Variants in NT5C2 observed in about 807,000 individuals in gnomAD.
NT5C2 encodes the protein 5'-nucleotidase, cytosolic II.
Under a neutral mutation model 76.1 loss-of-function variants are expected in NT5C2, and 58 were observed. The observed-to-expected ratio is 0.76, with a 90% CI of 0.62 to 0.95. The LOEUF (loss-of-function observed/expected upper bound fraction) is 0.95, where lower values mean the gene tolerates loss of function less well. NT5C2 is among the 40% of genes least tolerant of loss of function. The pLI is 0.00. For synonymous variants in NT5C2, 229 were observed against 237.4 expected (o/e 0.96, Z 0.32); for missense variants, 478 against 690.3 (o/e 0.69, Z 3.45).
intron 3 of NT5C2, among the ~76,000 whole-genome samples, chr10:103,170,374 T>C (rs1380262974): frequency 6.6e-6 from 1 of 152,108 alleles, no homozygotes; most frequent in African/African-American, 2.4e-5. Context: ...GAAAATGTTT[T>C]TTCTATTGTT....
At chr10:103,145,478 G>A (rs2081317775) in intron 3 of NT5C2, among the ~76,000 whole-genome samples, 1 of 152,160 alleles carries the variant, frequency 6.6e-6, no homozygotes, top group Non-Finnish European at 1.5e-5. Context: ...TTGGTCTCCG[G>A]ACCTTGACTG....
At chr10:103,142,592 TGA>T (rs1324614181) in intron 3 of NT5C2, among the ~76,000 whole-genome samples, 2 of 151,944 alleles carry the variant, frequency 1.3e-5, no homozygotes, top group Non-Finnish European at 2.9e-5. Context: ...CTCCTGAGCC[TGA>T]GAGGCAGAAG....
intron 12 of NT5C2, among the ~76,000 whole-genome samples, chr10:103,095,097 A>C (rs1346072082): frequency 3.3e-5 from 5 of 152,220 alleles, no homozygotes; most frequent in Non-Finnish European, 7.3e-5. Context: ...GATGCAAATC[A>C]ATACCCAAGG....
At chr10:103,124,591 C>T (rs1267213496) in intron 4 of NT5C2, among the ~76,000 whole-genome samples, 1 of 152,062 alleles carries the variant, frequency 6.6e-6, no homozygotes, top group Non-Finnish European at 1.5e-5. Flanking sequence ...CTAGTCATTT[C>T]ATGTACACTA....
At chr10:103,116,848 TAC>T (rs1047343463) in intron 4 of NT5C2, among the ~76,000 whole-genome samples, 1 of 152,032 alleles carries the variant, frequency 6.6e-6, no homozygotes, top group African/African-American at 2.4e-5. Flanking sequence ...GCACTGCAAT[TAC>T]AGTCATGAAA....
intron 3 of NT5C2, among the ~76,000 whole-genome samples, chr10:103,150,071 G>A (rs1305969384): frequency 6.6e-6 from 1 of 151,996 alleles, no homozygotes; most frequent in Non-Finnish European, 1.5e-5. Flanking sequence ...CTTTACTAAG[G>A]TATCATTTAC....
intron 1 of NT5C2, among the ~76,000 whole-genome samples, chr10:103,183,619 CAT>C (rs370669820): frequency 3.2e-4 from 47 of 145,958 alleles, no homozygotes; most frequent in African/African-American, 6.6e-4. Flanking sequence ...GGGTTCACGC[CAT>C]ATATATATAT....
intron 6 of NT5C2, 64 bp from the exon 7 acceptor site, chr10:103,101,390 A>G (rs769458728): frequency 5.3e-6 from 5 of 935,546 alleles, no homozygotes; most frequent in Non-Finnish European, 8.2e-6. Flanking sequence ...GGGAAATAGC[A>G]TTATTCAAAA....
chr10:103,123,285 G>A (rs2076043620), intron 4 of NT5C2, among the ~76,000 whole-genome samples: 1 of 151,920 alleles, frequency 6.6e-6, no homozygotes. Context: ...ACCACACACT[G>A]CTAATATTTT....
chr10:103,155,917 G>A (rs2083277511), intron 3 of NT5C2, among the ~76,000 whole-genome samples: 1 of 151,972 alleles, frequency 6.6e-6, no homozygotes, highest in Admixed American at 6.6e-5. Flanking sequence ...TAATCCCAGC[G>A]ACTCAGGAAG....
rs1284542121 is a variant in NT5C2, at chr10:103,129,769, C to G, written c.175+9637G>C. On this transcript the variant is annotated intron_variant, in intron 4 of 18. Transcript: ENST00000404739. ...GAGGGAGGTGGGGGTGTCAGCCCCC[C>G]GCCCGGCCAGCCGCCCCGTCCGGGA... Among the ~76,000 whole-genome samples the G allele has an allele frequency of 5.1e-5, 5 of 98,666 alleles. No individual in the cohort carries two copies. In the South Asian group the frequency reaches 1.8e-3, roughly 36 times the overall value. 64.7% of individuals were successfully genotyped at this position (98,666 alleles called of 152,430 possible).
chr10:103,185,561 T>C (rs576343056), intron 1 of NT5C2, among the ~76,000 whole-genome samples: 25 of 150,898 alleles, frequency 1.7e-4, no homozygotes, highest in Non-Finnish European at 3.1e-4. Flanking sequence ...GGTAGGAAGA[T>C]TGCTTGAGCC....
In NT5C2 at chr10:103,088,243, G is replaced by A. The variant is rs1191371737; in HGVS notation, c.*1429C>T. 6.6e-6 allele frequency: 1 copy of A among 152,190 alleles called. No homozygotes were observed. Among genetic ancestry groups the A allele is most frequent in the Non-Finnish European group, 1.5e-5 (1 of 68,020 alleles). The allele number at this position is 152,190 out of a possible 1,614,324, so 9.4% of individuals were successfully genotyped here. A position where few individuals can be genotyped will look rare whatever the true frequency, so the allele number is the denominator to read the frequency against. ...ACAAGAATGGAAGAAAATATACAAT[G>A]GTTAAAGAAAGAGTCTATAACCACT... On this transcript the variant is annotated 3_prime_UTR_variant, in exon 19 of 19. Transcript: ENST00000404739.
chr10:103,111,522 T>G (rs10883832), intron 4 of NT5C2, among the ~76,000 whole-genome samples: 13,486 of 152,160 alleles, frequency 0.089, 840 homozygotes, highest in East Asian at 0.28. Context: ...TGGGCTCTGT[T>G]TTGAGTAGAT....
intron 3 of NT5C2, among the ~76,000 whole-genome samples, chr10:103,143,627 T>TG (rs1410902556): frequency 3.8e-4 from 54 of 141,742 alleles, no homozygotes; most frequent in East Asian, 1.4e-3. Flanking sequence ...TTTTTTTTTT[T>TG]TTTTTGTAGA....
chr10:103,098,873 T>A, intron 10 of NT5C2, 58 bp downstream of exon 10: 7 of 1,185,504 alleles, frequency 5.9e-6, no homozygotes, highest in Non-Finnish European at 8.6e-6. Context: ...TTGTTATTAA[T>A]TTCCCTAATA....
At chr10:103,120,687 G>A (rs1045761506) in intron 4 of NT5C2, among the ~76,000 whole-genome samples, 11 of 152,188 alleles carry the variant, frequency 7.2e-5, no homozygotes, top group African/African-American at 2.4e-4. Context: ...ATGTATTGCT[G>A]GTGGGGATGT....
At chr10:103,100,908 T>C (rs2069447596) in intron 8 of NT5C2, 137 bp downstream of exon 8, 1 of 709,538 alleles carries the variant, frequency 1.4e-6, no homozygotes, top group Non-Finnish European at 2.6e-6. Context: ...ATCTCTCAGG[T>C]TGGCAATGTG....
intron 1 of NT5C2, among the ~76,000 whole-genome samples, chr10:103,183,104 C>T (rs1756801701): frequency 6.6e-6 from 1 of 151,764 alleles, no homozygotes; most frequent in Admixed American, 6.6e-5. Flanking sequence ...ACCAGTACTG[C>T]TGAAAAACTA....
Sources: gnomAD v4.1 joint callset for allele counts (sites outside exome capture counted in the v4.1 genomes callset) on GRCh38, gnomAD v4.1.1 for gene constraint, MANE v1.5 for transcripts, NCBI Gene and HGNC (gene_info 2026-07-23, HGNC 2026-07-21) for gene names.